The following SLC2A13 variants were observed in gnomAD, a reference collection of about 807,000 sequenced individuals.
SLC2A13 encodes proton myo-inositol cotransporter.
A neutral mutation model predicts 64.4 loss-of-function variants in SLC2A13; 32 were observed. That is an observed-to-expected ratio of 0.50 (90% CI 0.37 to 0.67). SLC2A13 has a LOEUF of 0.67. Among genes scored for constraint, SLC2A13 ranks in the 30% least tolerant of loss-of-function variants. The pLI is 0.00. For missense variants in SLC2A13, 743 were observed against 829.2 expected, an observed-to-expected ratio of 0.90 and a Z score of 1.28; for synonymous variants, 338 against 327.1, an observed-to-expected ratio of 1.03 and a Z score of -0.36.
chr12:40,048,544 T>A (rs922508141), intron 1 of SLC2A13, among the ~76,000 whole-genome samples: 4 of 152,160 alleles, frequency 2.6e-5, no homozygotes, highest in Non-Finnish European at 5.9e-5. Flanking sequence ...CTAGATAGAA[T>A]GATTACTGAA....
chr12:40,006,567 A>G (rs976479697), intron 3 of SLC2A13, among the ~76,000 whole-genome samples: 1 of 152,214 alleles, frequency 6.6e-6, no homozygotes, highest in African/African-American at 2.4e-5. Context: ...TAATGAATAA[A>G]TTCTAAGAGT....
intron 3 of SLC2A13, among the ~76,000 whole-genome samples, chr12:39,982,382 A>G (rs1240438377): frequency 7.1e-6 from 1 of 140,158 alleles, no homozygotes; most frequent in Non-Finnish European, 1.6e-5. Context: ...AGAGGAAGTC[A>G]AATTGTCCCT....
chr12:40,035,308 G>T (rs1947964790), intron 2 of SLC2A13, among the ~76,000 whole-genome samples: 1 of 152,156 alleles, frequency 6.6e-6, no homozygotes, highest in Non-Finnish European at 1.5e-5. Flanking sequence ...TAATGCAAAA[G>T]TTTTAGATGC....
intron 4 of SLC2A13, among the ~76,000 whole-genome samples, chr12:39,903,464 C>T (rs1020124748): frequency 2.0e-5 from 3 of 152,166 alleles, no homozygotes; most frequent in Non-Finnish European, 4.4e-5. Flanking sequence ...TATCTCTTTA[C>T]TCAACTTCTG....
chr12:39,808,869 T>C (rs1023783705), intron 7 of SLC2A13, among the ~76,000 whole-genome samples: 3 of 152,194 alleles, frequency 2.0e-5, no homozygotes, highest in South Asian at 2.1e-4. Flanking sequence ...GGCTTGGGCT[T>C]TGTATTCTCT....
intron 1 of SLC2A13, among the ~76,000 whole-genome samples, chr12:40,071,802 G>A (rs537910926): frequency 7.2e-5 from 11 of 152,030 alleles, no homozygotes; most frequent in African/African-American, 2.2e-4. Context: ...TCTGATATTC[G>A]CAATTTATGT....
chr12:40,092,962 C>T (rs1314555811), intron 1 of SLC2A13, among the ~76,000 whole-genome samples: 1 of 152,192 alleles, frequency 6.6e-6, no homozygotes, highest in Non-Finnish European at 1.5e-5. Flanking sequence ...GACATTAGAG[C>T]ATTATTAACA....
intron 7 of SLC2A13, among the ~76,000 whole-genome samples, chr12:39,777,206 T>C (rs1210710828): frequency 6.6e-6 from 1 of 152,168 alleles, no homozygotes; most frequent in East Asian, 1.9e-4. Flanking sequence ...GAGCCAATCA[T>C]ATGAGGGACT....
chr12:39,949,530 A>G (rs1434675525), intron 4 of SLC2A13: 1 of 152,228 alleles, frequency 6.6e-6, no homozygotes, highest in Non-Finnish European at 1.5e-5. Flanking sequence ...GACAGCATCA[A>G]TCAGCTCAAT....
intron 1 of SLC2A13, among the ~76,000 whole-genome samples, chr12:40,074,138 G>A (rs1235682703): frequency 6.7e-6 from 1 of 148,410 alleles, no homozygotes; most frequent in Non-Finnish European, 1.5e-5. Context: ...CTTCAGCCAT[G>A]TCCAGTCTAT....
chr12:39,871,636 GCT>G (rs1944059072), intron 5 of SLC2A13, among the ~76,000 whole-genome samples, 160 bp downstream of exon 5: 1 of 151,458 alleles, frequency 6.6e-6, no homozygotes, highest in Admixed American at 6.6e-5. Context: ...GTTGTTAAAA[GCT>G]CTTTTTTTTT....
chr12:40,074,472 T>G (rs976164229), intron 1 of SLC2A13, among the ~76,000 whole-genome samples: 1 of 151,858 alleles, frequency 6.6e-6, no homozygotes, highest in Admixed American at 6.6e-5. Flanking sequence ...CAGCCCCATA[T>G]TCTTCATTTC....
intron 1 of SLC2A13, among the ~76,000 whole-genome samples, chr12:40,071,260 T>C (rs1023968356): frequency 2.0e-5 from 3 of 152,146 alleles, no homozygotes; most frequent in Non-Finnish European, 4.4e-5. Flanking sequence ...AAGAGGGTAC[T>C]GCTCTGTTAC....
At chr12:40,086,577 C>T (rs1451353494) in intron 1 of SLC2A13, among the ~76,000 whole-genome samples, 1 of 152,150 alleles carries the variant, frequency 6.6e-6, no homozygotes, top group African/African-American at 2.4e-5. Flanking sequence ...GTTAAATACA[C>T]CACATGCTTT....
intron 7 of SLC2A13, among the ~76,000 whole-genome samples, chr12:39,781,464 C>T (rs1400923962): frequency 6.6e-6 from 1 of 152,206 alleles, no homozygotes; most frequent in Admixed American, 6.5e-5. Context: ...GGGGCTAGTA[C>T]AGTGACATGC....
chr12:39,951,389 A>AG, intron 3 of SLC2A13, 24 bp from the exon 4 acceptor site: 2 of 1,551,942 alleles, frequency 1.3e-6, no homozygotes, highest in East Asian at 2.3e-5. Context: ...GAAAGAAAAA[A>AG]AAAATACAAC....
chr12:40,014,992 A>G (rs1592007839), intron 3 of SLC2A13, among the ~76,000 whole-genome samples: 1 of 152,228 alleles, frequency 6.6e-6, no homozygotes. Context: ...TTAAATATAC[A>G]TCTTGTAGGT....
chr12:40,056,029 C>T (rs1341098721), intron 1 of SLC2A13, among the ~76,000 whole-genome samples: 1 of 150,858 alleles, frequency 6.6e-6, no homozygotes, highest in Non-Finnish European at 1.5e-5. Flanking sequence ...AAAACACCAG[C>T]CAAACAAAAC....
At chr12:39,980,573 A>C (rs1946871566) in intron 3 of SLC2A13, among the ~76,000 whole-genome samples, 1 of 151,734 alleles carries the variant, frequency 6.6e-6, no homozygotes, top group African/African-American at 2.4e-5. Flanking sequence ...AAAAGAGACA[A>C]AGAAGGCCAT....
Sources: gnomAD v4.1 joint callset for allele counts (sites outside exome capture counted in the v4.1 genomes callset) on GRCh38, gnomAD v4.1.1 for gene constraint, MANE v1.5 for transcripts, NCBI Gene and HGNC (gene_info 2026-07-23, HGNC 2026-07-21) for gene names.